KHDRBS2: variants seen among roughly 807,000 people sequenced by gnomAD.
KHDRBS2 encodes KH RNA binding domain containing, signal transduction associated 2.
KHDRBS2 carries 26 observed loss-of-function variants against 44.3 expected under a neutral mutation model. The ratio of observed to expected loss-of-function variants is 0.59; its 90% CI spans 0.43 to 0.81. The LOEUF (loss-of-function observed/expected upper bound fraction) is 0.81. KHDRBS2 is among the 40% of genes least tolerant of loss of function. The pLI is 0.00. For synonymous variants in KHDRBS2, 194 were observed against 151.1 expected (o/e 1.28, Z -2.08); for missense variants, 476 against 433.1 (o/e 1.10, Z -0.88).
downstream of KHDRBS2, among the ~76,000 whole-genome samples, chr6:61,677,868 C>G (rs549529172): frequency 1.3e-5 from 2 of 152,020 alleles, no homozygotes; most frequent in African/African-American, 4.8e-5. Flanking sequence ...GCCTTCCTCA[C>G]AGCGAATGAG....
chr6:61,607,519 G>GAAAACAAAAA, the KHDRBS2 span, among the ~76,000 whole-genome samples: 1 of 23,322 alleles, frequency 4.3e-5, no homozygotes, highest in Non-Finnish European at 7.6e-5. Flanking sequence ...TGAGTTCCAA[G>GAAAACAAAAA]CAAAAAAAAA....
At chr6:62,170,373 C>T (rs372966268) in intron 2 of KHDRBS2, among the ~76,000 whole-genome samples, 18 of 152,038 alleles carry the variant, frequency 1.2e-4, no homozygotes, top group African/African-American at 3.9e-4. Context: ...GCAGAAGAAA[C>T]GCAGGGATGG....
intron 6 of KHDRBS2, among the ~76,000 whole-genome samples, chr6:61,863,517 T>C (rs1797329189): frequency 6.6e-6 from 1 of 152,176 alleles, no homozygotes; most frequent in Admixed American, 6.5e-5. Flanking sequence ...TCAAAGAACT[T>C]CTTGATTTCT....
intron 6 of KHDRBS2, among the ~76,000 whole-genome samples, chr6:61,768,521 C>A (rs1248257914): frequency 6.6e-6 from 1 of 151,990 alleles, no homozygotes; most frequent in African/African-American, 2.4e-5. Flanking sequence ...TTTTCTAGAT[C>A]TTGTATGTAT....
the KHDRBS2 span, among the ~76,000 whole-genome samples, chr6:61,641,959 A>G: frequency 1.3e-5 from 2 of 152,136 alleles, no homozygotes; most frequent in Non-Finnish European, 2.9e-5. Context: ...AGTCCTCTCA[A>G]TTCTACAATT....
the KHDRBS2 span, among the ~76,000 whole-genome samples, chr6:61,624,788 A>G: frequency 6.6e-6 from 1 of 152,114 alleles, no homozygotes; most frequent in African/African-American, 2.4e-5. Flanking sequence ...TCTAAATAGG[A>G]AGGCTATATG....
At chr6:62,225,859 C>T (rs1378127708) in intron 1 of KHDRBS2, among the ~76,000 whole-genome samples, 1 of 152,148 alleles carries the variant, frequency 6.6e-6, no homozygotes, top group African/African-American at 2.4e-5. Context: ...CCTACAAAAA[C>T]CATGATCTCA....
chr6:61,847,569 G>A (rs578941), intron 6 of KHDRBS2, among the ~76,000 whole-genome samples: 87,053 of 151,760 alleles, frequency 0.57, 25,130 homozygotes, highest in South Asian at 0.68. Flanking sequence ...CTTGAGGACT[G>A]GCTATTGTTT....
At chr6:61,785,799 A>G (rs756191462) in intron 6 of KHDRBS2, among the ~76,000 whole-genome samples, 58 of 152,172 alleles carry the variant, frequency 3.8e-4, no homozygotes, top group Non-Finnish European at 6.8e-4. Context: ...AAGAGAAAAC[A>G]AAAGTATATA....
At chr6:61,750,005 G>GCACT (rs1777429089) in intron 6 of KHDRBS2, among the ~76,000 whole-genome samples, 1 of 152,002 alleles carries the variant, frequency 6.6e-6, no homozygotes, top group African/African-American at 2.4e-5. Context: ...GAGGGTTTCA[G>GCACT]CACTCATAAA....
In KHDRBS2 at chr6:62,216,842, G is replaced by A. The variant is rs117413075; in HGVS notation, c.92-39530C>T. On this transcript the variant is annotated intron_variant, in intron 1 of 8. Coordinates refer to ENST00000281156, the MANE Select transcript of KHDRBS2 (RefSeq NM_152688.4). Reference sequence around the variant, plus strand: ...ACAGGAAAACTGAAGTTTGCACCTCGTAAAATTAGACCATATTTACTCATT... The same window carrying A: ...ACAGGAAAACTGAAGTTTGCACCTCATAAAATTAGACCATATTTACTCATT... Among the ~76,000 whole-genome samples, 253 of 151,130 alleles carry A rather than the reference G, an allele frequency of 1.7e-3. 3 individuals carry two copies. The South Asian group carries it at 0.026, about 15-fold the overall frequency.
At chr6:61,702,012 G>A (rs1195917601) in intron 7 of KHDRBS2, among the ~76,000 whole-genome samples, 3 of 151,872 alleles carry the variant, frequency 2.0e-5, no homozygotes, top group Non-Finnish European at 4.4e-5. Context: ...TAATTGGAAT[G>A]AAACTTAGAT....
At chr6:62,041,348 A>C (rs1175483685) in intron 3 of KHDRBS2, among the ~76,000 whole-genome samples, 2 of 152,114 alleles carry the variant, frequency 1.3e-5, no homozygotes, top group Non-Finnish European at 2.9e-5. Flanking sequence ...AAAAGAAAAA[A>C]AAATTTCAGA....
At chr6:62,197,301 A>T (rs1297003154) in intron 1 of KHDRBS2, among the ~76,000 whole-genome samples, 1 of 152,114 alleles carries the variant, frequency 6.6e-6, no homozygotes, top group Non-Finnish European at 1.5e-5. Context: ...AAACTTGCAA[A>T]CCCAATTTTG....
rs193107936 is a variant in KHDRBS2 at position 61,880,863 on chromosome 6, G to T, written c.810+13772C>A. Among the ~76,000 whole-genome samples, 240 of 151,916 alleles carry T rather than the reference G, an allele frequency of 1.6e-3. 1 individual carries two copies. The highest frequency in any genetic ancestry group is 5.5e-3 in the African/African-American group (227 of 41,496). On this transcript the variant is annotated intron_variant, in intron 6 of 8. Coordinates refer to ENST00000281156, the MANE Select transcript of KHDRBS2 (RefSeq NM_152688.4). ...TTCTTACATGATTTCTATCAATCCT[G>T]TTTCCAAAAAGAAACTACTCTGATA...
chr6:61,654,587 A>G, the KHDRBS2 span, among the ~76,000 whole-genome samples: 2 of 151,390 alleles, frequency 1.3e-5, no homozygotes, highest in African/African-American at 2.4e-5. Flanking sequence ...ACTATAATGC[A>G]GGGGCTTAGT....
At chr6:61,724,777 G>A (rs1466451553) in intron 7 of KHDRBS2, among the ~76,000 whole-genome samples, 1 of 152,120 alleles carries the variant, frequency 6.6e-6, no homozygotes, top group Non-Finnish European at 1.5e-5. Flanking sequence ...AAATATATAT[G>A]CACCCAATAC....
chr6:62,058,329 G>A (rs1161277047), intron 2 of KHDRBS2, among the ~76,000 whole-genome samples: 6 of 151,804 alleles, frequency 4.0e-5, no homozygotes, highest in Admixed American at 6.6e-5. Flanking sequence ...TCCATCATTC[G>A]TTGATACTCA....
At chr6:61,775,923 G>A (rs1157344069) in intron 6 of KHDRBS2, among the ~76,000 whole-genome samples, 2 of 152,132 alleles carry the variant, frequency 1.3e-5, no homozygotes, top group Non-Finnish European at 2.9e-5. Flanking sequence ...AAACAGCATG[G>A]TACTGGTACC....
Sources: allele counts gnomAD v4.1 joint callset (sites outside exome capture counted in the v4.1 genomes callset), GRCh38; gene constraint gnomAD v4.1.1; transcripts MANE v1.5; gene names NCBI Gene and HGNC (gene_info 2026-07-23, HGNC 2026-07-21).